Variants in TTC3 observed in about 807,000 individuals in gnomAD.
TTC3 encodes E3 ubiquitin-protein ligase TTC3.
Under a neutral mutation model 249.6 loss-of-function variants are expected in TTC3, and 180 were observed. That is an observed-to-expected ratio of 0.72 (90% CI 0.64 to 0.82). TTC3 has a LOEUF of 0.82. Ranked by LOEUF, TTC3 falls within the 40% of genes least tolerant of loss-of-function variation. The pLI, the probability that TTC3 is intolerant of heterozygous loss-of-function variation, is 0.00. For missense variants in TTC3, 2,061 were observed against 2,398.4 expected (o/e 0.86, Z 2.94); for synonymous variants, 717 against 805.0 (o/e 0.89, Z 1.85).
intron 34 of TTC3, among the ~76,000 whole-genome samples, chr21:37,170,728 TAC>T (rs2081697784): frequency 6.6e-6 from 1 of 152,252 alleles, no homozygotes; most frequent in African/African-American, 2.4e-5. Flanking sequence ...CTGCTATTTG[TAC>T]AAATAGTGTT....
exon 40 of TTC3, chr21:37,191,395 A>G: frequency 6.3e-7 from 1 of 1,585,036 alleles, no homozygotes; most frequent in Non-Finnish European, 8.5e-7. Flanking sequence ...GTTTCTTTCT[A>G]ATGTTACAAA....
exon 2 of TTC3, chr21:37,087,321 C>G: frequency 6.2e-7 from 1 of 1,614,078 alleles, no homozygotes; most frequent in Non-Finnish European, 8.5e-7. Flanking sequence ...AGATTGCCCT[C>G]ACGTGGATGA....
intron 41 of TTC3, 108 bp from the exon 42 acceptor site, chr21:37,195,567 G>T: frequency 6.9e-7 from 1 of 1,440,902 alleles, no homozygotes; most frequent in Non-Finnish European, 9.3e-7. Context: ...TCCTGTGCAC[G>T]GAGCCTCTGC....
chr21:37,186,615 T>C (rs902758114), intron 37 of TTC3, among the ~76,000 whole-genome samples: 8 of 152,144 alleles, frequency 5.3e-5, no homozygotes, highest in South Asian at 2.1e-4. Flanking sequence ...TTTGTAGATA[T>C]AGGGTTTTGC....
intron 18 of TTC3, among the ~76,000 whole-genome samples, chr21:37,138,339 C>T (rs1409018396): frequency 5.9e-5 from 9 of 152,126 alleles, no homozygotes. Context: ...ACTAGTACTG[C>T]TTATATGCAA....
At chr21:37,160,960 T>G in intron 30 of TTC3, 102 bp downstream of exon 30, 1 of 1,206,888 alleles carries the variant, frequency 8.3e-7, no homozygotes, top group Non-Finnish European at 1.1e-6. Flanking sequence ...TTTGAAACAT[T>G]TGTAGAGAAA....
chr21:37,186,914 A>C, intron 37 of TTC3, 135 bp from the exon 38 acceptor site: 1 of 561,108 alleles, frequency 1.8e-6, no homozygotes, highest in Non-Finnish European at 3.1e-6. Flanking sequence ...GTAAAATATG[A>C]GATGAGAAAC....
At chr21:37,171,749 G>C (rs921124630) in intron 34 of TTC3, among the ~76,000 whole-genome samples, 2 of 152,168 alleles carry the variant, frequency 1.3e-5, no homozygotes, top group African/African-American at 4.8e-5. Context: ...AGGCAAAAGG[G>C]CATGTATGGT....
chr21:37,123,215 C>T (rs2076769101), intron 13 of TTC3, among the ~76,000 whole-genome samples, 187 bp downstream of exon 13: 2 of 152,126 alleles, frequency 1.3e-5, no homozygotes, highest in South Asian at 2.1e-4. Flanking sequence ...AGATTTATTT[C>T]GCTGTTTTAG....
chr21:37,191,319 A>G lies in TTC3; in HGVS notation c.5025-15A>G. The G allele has an allele frequency of 1.9e-6, 3 of 1,564,350 alleles. No individual in the cohort carries two copies. Among genetic ancestry groups the G allele is most frequent in the South Asian group, 1.2e-5 (1 of 81,074 alleles). On this transcript the variant is annotated splice_polypyrimidine_tract_variant and intron_variant, in intron 39 of 45. Transcript: ENST00000355666. ...TTTAAAATTTCTAAAGCAGTTTTAT[A>G]TTATACTTTTTCAGTGATCCTGCAG...
In TTC3 at chr21:37,153,104, A is replaced by G. The variant is rs779884168; in HGVS notation, c.2567A>G (p.Tyr856Cys). 12 of 1,613,748 alleles carry G rather than the reference A, an allele frequency of 7.4e-6. No homozygotes were observed. The Admixed American group carries it at 1.5e-4, about 20-fold the overall frequency. The stretch of plus-strand genomic sequence containing the variant: ...TGGAAAGTTTTGAGCACAGAAGACT[A>G]TACAACCTGTTTTTCTAGCAGAAAT... The change falls in exon 27 of 46, where the codon TAT becomes TGT. Residue 856 changes from tyrosine to cysteine, a missense_variant. Coordinates refer to ENST00000355666, the Ensembl canonical transcript of TTC3.
intron 1 of TTC3, among the ~76,000 whole-genome samples, chr21:37,085,398 A>G (rs1436675830): frequency 1.3e-5 from 2 of 152,256 alleles, no homozygotes; most frequent in Admixed American, 6.5e-5. Context: ...GTGGAAGGTC[A>G]TTAATGATCC....
At chr21:37,096,263 C>T (rs536418511) in intron 9 of TTC3, among the ~76,000 whole-genome samples, 3 of 152,192 alleles carry the variant, frequency 2.0e-5, no homozygotes, top group Non-Finnish European at 4.4e-5. Context: ...GTAATCCTAT[C>T]CTCTAGAGTT....
intron 35 of TTC3, among the ~76,000 whole-genome samples, chr21:37,180,675 G>A (rs1220993387): frequency 2.0e-5 from 3 of 149,694 alleles, no homozygotes; most frequent in Non-Finnish European, 4.4e-5. Context: ...ACGAGTTAGT[G>A]GGTGCAGTGC....
chr21:37,200,724 C>G (rs1028515265), intron 45 of TTC3, among the ~76,000 whole-genome samples: 2 of 152,110 alleles, frequency 1.3e-5, no homozygotes, highest in Non-Finnish European at 2.9e-5. Flanking sequence ...TAGCTGAGTC[C>G]CTTCTGCCTG....
intron 2 of TTC3, 31 bp downstream of exon 2, chr21:37,087,432 A>G (rs1402057127): frequency 1.2e-6 from 2 of 1,611,608 alleles, no homozygotes; most frequent in African/African-American, 2.7e-5. Context: ...TTCATTTTTG[A>G]CATTGTGTAT....
intron 21 of TTC3, among the ~76,000 whole-genome samples, chr21:37,145,922 GC>G (rs2078945296): frequency 6.6e-6 from 1 of 152,180 alleles, no homozygotes; most frequent in Non-Finnish European, 1.5e-5. Context: ...CTCCCACTGT[GC>G]CTCACCTCCA....
At chr21:37,176,545 A>ACTTC (rs1368470335) in intron 35 of TTC3, among the ~76,000 whole-genome samples, 1 of 152,154 alleles carries the variant, frequency 6.6e-6, no homozygotes, top group Non-Finnish European at 1.5e-5. Flanking sequence ...GCCTGCCAAA[A>ACTTC]CTTCCTCAGC....
chr21:37,156,672 A>G lies in TTC3; in HGVS notation c.2758A>G (p.Thr920Ala), dbSNP rs374019175. The change falls in exon 28 of 46, where the codon ACT becomes GCT. Residue 920 changes from threonine (T) to alanine (A), a missense_variant. Physicochemically the swap from Thr to Ala is moderately conservative, Grantham distance 58 (BLOSUM62 0). Around this residue, in one of 3 missense-constraint regions of TTC3, gnomAD observed 989 missense variants for 1,145.1 expected, o/e 0.86. Coordinates refer to ENST00000355666, the Ensembl canonical transcript of TTC3. ...TATTACAGGCTTAGATGCCACAGGAACTTTCTTTTCTCGTTATGGAGCATC... is the reference window on the plus strand; with the variant it reads ...TATTACAGGCTTAGATGCCACAGGAGCTTTCTTTTCTCGTTATGGAGCATC... 14 of 1,612,018 alleles carry G rather than the reference A, an allele frequency of 8.7e-6. No homozygotes were observed. The African/African-American group carries it at 1.7e-4, about 20-fold the overall frequency.
Sources: gnomAD v4.1 joint callset for allele counts (sites outside exome capture counted in the v4.1 genomes callset) on GRCh38, gnomAD v4.1.1 for gene constraint, gnomAD v4.1.1 regional missense constraint, MANE v1.5 for transcripts, NCBI Gene and HGNC (gene_info 2026-07-23, HGNC 2026-07-21) for gene names.